Variants in CTNND2 observed in about 807,000 individuals in gnomAD.
CTNND2 encodes catenin delta-2.
A neutral mutation model predicts 144.4 loss-of-function variants in CTNND2; 22 were observed. That is an observed-to-expected ratio of 0.15 (90% confidence interval 0.11 to 0.22). The LOEUF is 0.22. Ranked by LOEUF, CTNND2 falls within the 10% of genes least tolerant of loss-of-function variation. The pLI, the probability that CTNND2 is intolerant of heterozygous loss-of-function variation, is 1.00. For missense variants in CTNND2, 1,353 were observed against 1,618.8 expected (o/e 0.84, Z 2.82); for synonymous variants, 751 against 695.6 (o/e 1.08, Z -1.25).
chr5:11,152,750 C>A (rs1010715218), intron 12 of CTNND2, among the ~76,000 whole-genome samples: 1 of 152,118 alleles, frequency 6.6e-6, no homozygotes, highest in African/African-American at 2.4e-5. Flanking sequence ...GAACTCTGTC[C>A]CCTCCCATCG....
intron 3 of CTNND2, among the ~76,000 whole-genome samples, chr5:11,446,073 G>C (rs1454297065): frequency 6.6e-6 from 1 of 152,196 alleles, no homozygotes; most frequent in East Asian, 1.9e-4. Context: ...CAGGGTTCAA[G>C]AGATTCTCAT....
chr5:10,981,079 T>C (rs1390443313), intron 21 of CTNND2, among the ~76,000 whole-genome samples: 2 of 152,130 alleles, frequency 1.3e-5, no homozygotes, highest in African/African-American at 4.8e-5. Flanking sequence ...AAAAAGAATC[T>C]ACTGTTCAGT....
intron 3 of CTNND2, among the ~76,000 whole-genome samples, chr5:11,472,558 C>T (rs539071554): frequency 5.9e-5 from 9 of 152,098 alleles, no homozygotes; most frequent in African/African-American, 9.6e-5. Flanking sequence ...TTAGTATTTA[C>T]GTTTTTGTCT....
At chr5:11,181,960 T>G (rs1364892952) in intron 11 of CTNND2, among the ~76,000 whole-genome samples, 2 of 137,154 alleles carry the variant, frequency 1.5e-5, no homozygotes, top group Non-Finnish European at 3.1e-5. Context: ...GTGCGTGGTA[T>G]CTGTGTAGTA....
At position 11,486,291 on chromosome 5, in the gene CTNND2, T is replaced by C. The variant is rs911827798; in HGVS notation, c.288-74222A>G. ...TCCAGTAGATCACACTGGGTGATAA[T>C]ATCCAGTAGATCACACTAGGTGATA... On this transcript the variant is annotated intron_variant, in intron 3 of 21. Coordinates refer to ENST00000304623, the MANE Select transcript of CTNND2 (RefSeq NM_001332.4). 8.5e-5 allele frequency among the ~76,000 whole-genome samples: 13 copies of C among 152,156 alleles called. 1 individual carries two copies. Among genetic ancestry groups the C allele is most frequent in the Non-Finnish European group, 1.8e-4 (12 of 68,018 alleles).
intron 12 of CTNND2, among the ~76,000 whole-genome samples, chr5:11,143,732 A>G (rs145308779): frequency 6.6e-6 from 1 of 152,358 alleles, no homozygotes; most frequent in Non-Finnish European, 1.5e-5. Flanking sequence ...ACAGCCCCTA[A>G]TAAGGAGAGT....
chr5:11,068,122 GTTTAAAC>G (rs1437615244), intron 16 of CTNND2, among the ~76,000 whole-genome samples: 5 of 152,278 alleles, frequency 3.3e-5, no homozygotes, highest in Non-Finnish European at 2.9e-5. Flanking sequence ...ATACTCTTAA[GTTTAAAC>G]TTTAATAATT....
At chr5:11,753,012 T>A (rs1327274428) in intron 1 of CTNND2, among the ~76,000 whole-genome samples, 2 of 151,868 alleles carry the variant, frequency 1.3e-5, no homozygotes, top group Non-Finnish European at 2.9e-5. Flanking sequence ...TGCTACTGAT[T>A]TTTGTGCACT....
At chr5:11,250,060 G>A (rs1159723514) in intron 9 of CTNND2, among the ~76,000 whole-genome samples, 1 of 152,140 alleles carries the variant, frequency 6.6e-6, no homozygotes, top group African/African-American at 2.4e-5. Context: ...ATATTTCAGA[G>A]TACTTTGCTA....
At chr5:11,816,203 T>C (rs73064639) in intron 1 of CTNND2, among the ~76,000 whole-genome samples, 4,846 of 152,260 alleles carry the variant, frequency 0.032, 241 homozygotes, top group African/African-American at 0.11. Flanking sequence ...AGAGAGGATG[T>C]GAATAGATTA....
chr5:11,126,019 C>G (rs932475841), intron 12 of CTNND2, among the ~76,000 whole-genome samples: 7 of 152,252 alleles, frequency 4.6e-5, no homozygotes, highest in Non-Finnish European at 7.4e-5. Flanking sequence ...ATAAATAGAT[C>G]GGCTGGGCAC....
chr5:11,479,035 G>A (rs1467764230), intron 3 of CTNND2, among the ~76,000 whole-genome samples: 3 of 152,122 alleles, frequency 2.0e-5, no homozygotes, highest in African/African-American at 7.2e-5. Context: ...ACATGTGCAG[G>A]TTTCTTATAT....
chr5:11,034,074 T>C (rs889210231), intron 16 of CTNND2, among the ~76,000 whole-genome samples: 2 of 152,200 alleles, frequency 1.3e-5, no homozygotes, highest in Non-Finnish European at 2.9e-5. Flanking sequence ...AAAGAGTTGA[T>C]GCAGTATTTT....
chr5:11,637,163 G>A (rs6864314), intron 2 of CTNND2, among the ~76,000 whole-genome samples: 9,081 of 152,034 alleles, frequency 0.06, 564 homozygotes, highest in East Asian at 0.18. Flanking sequence ...CATTACCTTG[G>A]AAAATGTTTA....
intron 13 of CTNND2, among the ~76,000 whole-genome samples, chr5:11,114,634 T>C (rs780487355): frequency 1.4e-4 from 22 of 152,182 alleles, no homozygotes; most frequent in Non-Finnish European, 2.8e-4. Flanking sequence ...ACCAGGGTCA[T>C]TTTGATTCCT....
chr5:11,619,754 C>A (rs1295256020), intron 2 of CTNND2, among the ~76,000 whole-genome samples: 2 of 152,154 alleles, frequency 1.3e-5, no homozygotes, highest in Non-Finnish European at 2.9e-5. Flanking sequence ...TAATGCTGCA[C>A]AAGTAGCTGG....
intron 1 of CTNND2, among the ~76,000 whole-genome samples, chr5:11,744,774 T>C (rs1788221137): frequency 6.6e-6 from 1 of 151,938 alleles, no homozygotes; most frequent in Admixed American, 6.6e-5. Context: ...TGAGACAGAG[T>C]CTCACTTTGT....
intron 2 of CTNND2, among the ~76,000 whole-genome samples, chr5:11,570,790 T>G (rs1301686512): frequency 6.6e-6 from 1 of 152,162 alleles, no homozygotes; most frequent in African/African-American, 2.4e-5. Flanking sequence ...CAAAAACCTA[T>G]TGTTTATTCT....
At chr5:11,031,521 T>G (rs1240203177) in intron 16 of CTNND2, among the ~76,000 whole-genome samples, 1 of 152,164 alleles carries the variant, frequency 6.6e-6, no homozygotes, top group East Asian at 1.9e-4. Context: ...AATAGTTATA[T>G]CAGTGTGATG....
Sources: gnomAD v4.1 joint callset for allele counts (sites outside exome capture counted in the v4.1 genomes callset) on GRCh38, gnomAD v4.1.1 for gene constraint, MANE v1.5 for transcripts, NCBI Gene and HGNC (gene_info 2026-07-23, HGNC 2026-07-21) for gene names.